HSPG2: variants seen among roughly 807,000 people sequenced by gnomAD.
HSPG2 encodes the protein basement membrane-specific heparan sulfate proteoglycan core protein.
HSPG2 carries 278 observed loss-of-function variants against 526.6 expected under a neutral mutation model. The observed-to-expected ratio is 0.53, with a 90% CI of 0.48 to 0.58. HSPG2 has a LOEUF of 0.58. HSPG2 is among the 20% of genes least tolerant of loss of function. HSPG2 has a pLI of 0.00. For synonymous variants in HSPG2, 2,465 were observed against 2,555.4 expected (o/e 0.96, Z 1.07); for missense variants, 5,354 against 6,099.5 (o/e 0.88, Z 4.07).
chr1:21,848,501 T>C lies in HSPG2; in HGVS notation c.7737+142A>G, dbSNP rs1006084816. The C allele has an allele frequency of 1.0e-6, 1 of 972,358 alleles. No homozygotes were observed. The highest frequency in any genetic ancestry group is 1.6e-6 in the Non-Finnish European group (1 of 614,086). The allele number at this position is 972,358 out of a possible 1,614,324, so 60.2% of individuals were successfully genotyped here. A position where few individuals can be genotyped will look rare whatever the true frequency, so the allele number is the denominator to read the frequency against. ...AGCCTTATTTCTGTATTCTCAGCAC[T>C]GGTCTAGGACCCATCCAGCAAGGAT... On this transcript the variant is annotated intron_variant, in intron 59 of 96. Transcript: ENST00000374695. The surrounding 1 kb of genome is among the most constrained non-coding windows in gnomAD (Gnocchi z 4.9).
intron 85 of HSPG2, chr1:21,830,614 C>T (rs1293411630): frequency 1.8e-5 from 5 of 281,754 alleles, no homozygotes; most frequent in African/African-American, 2.5e-5. Flanking sequence ...CGCTTGAACC[C>T]GGGAGGTGGA....
chr1:21,923,151 A>G (rs1200163063), intron 1 of HSPG2, among the ~76,000 whole-genome samples: 1 of 152,204 alleles, frequency 6.6e-6, no homozygotes, highest in African/African-American at 2.4e-5. Flanking sequence ...TCACACCTGT[A>G]ATCCCAGCAC....
chr1:21,903,935 G>A (rs545592730), intron 1 of HSPG2, among the ~76,000 whole-genome samples: 22 of 152,352 alleles, frequency 1.4e-4, no homozygotes, highest in African/African-American at 5.3e-4. Flanking sequence ...GGCCACCCTG[G>A]CCATATTCTA....
intron 74 of HSPG2, among the ~76,000 whole-genome samples, chr1:21,838,211 C>T (rs987376020): frequency 2.0e-5 from 3 of 151,992 alleles, no homozygotes; most frequent in African/African-American, 7.3e-5. Flanking sequence ...GTTGCACAGC[C>T]AGCAAATGGC....
In HSPG2 at chr1:21,858,671, C is replaced by T. The variant is rs1320390726; in HGVS notation, c.5293+895G>A. On this transcript the variant is annotated intron_variant, in intron 42 of 96. Coordinates refer to ENST00000374695, the MANE Select transcript of HSPG2 (RefSeq NM_005529.7). This position sits in a 1 kb window ranked among gnomAD's most constrained non-coding sequence, Gnocchi z 4.2. ...TGCTGCTGGTGGCCTAGCCACGCTT[C>T]CCACCCCCCGTGCCCACCTGCCTGA... Among the ~76,000 whole-genome samples the T allele has an allele frequency of 6.6e-6, 1 of 152,234 alleles. No individual in the cohort carries two copies. Among genetic ancestry groups the T allele is most frequent in the African/African-American group, 2.4e-5 (1 of 41,456 alleles).
At chr1:21,937,116 TCCGCCCCCGCCCC>T in intron 1 of HSPG2, 26 bp downstream of exon 1, 1 of 36,162 alleles carries the variant, frequency 2.8e-5, no homozygotes, top group Non-Finnish European at 5.2e-5. Flanking sequence ...CCCTAGCCCC[TCCGCCCCCGCCCC>T]CCGCCCCTCT....
At position 21,875,932 on chromosome 1, in the gene HSPG2, G is replaced by A; in HGVS notation, c.3114C>T (p.Ile1038=). 1 of 1,614,220 alleles carries A rather than the reference G, an allele frequency of 6.2e-7. No individual in the cohort carries two copies. The highest frequency in any genetic ancestry group is 1.1e-5 in the South Asian group (1 of 91,086). ...GCTCCTGGGCCACATGGTGCTCTAG[G>A]ATGATGTTGTTACCTTGCAGCACCA... is the stretch of plus-strand genomic sequence containing the variant. ...PLVVLQGNNI[I]LEHHVAQEPS... is the part of the protein sequence containing the mutation. Residue 1038 remains isoleucine, a synonymous_variant, in exon 24 of 97, where the codon ATC becomes ATT. Coordinates refer to ENST00000374695, the MANE Select transcript of HSPG2 (RefSeq NM_005529.7).
At position 21,876,493 on chromosome 1, in the gene HSPG2, GC is replaced by G. The variant is rs944146139; in HGVS notation, c.2826+18del. On this transcript the variant is annotated intron_variant, in intron 22 of 96. Transcript: ENST00000374695. ...GGCCCAGGGCTTGGCGGTCCTGCCC[GC>G]CCACCTTGCAGAGGTACCTGGGCAC... 2 of 1,613,640 alleles carry G rather than the reference GC, an allele frequency of 1.2e-6. No homozygotes were observed. Among genetic ancestry groups the G allele is most frequent in the African/African-American group, 2.7e-5 (2 of 74,934 alleles).
intron 1 of HSPG2, 23 bp downstream of exon 1, chr1:21,937,132 G>T (rs1405036096): frequency 6.6e-5 from 3 of 45,194 alleles, no homozygotes; most frequent in East Asian, 5.2e-4. Context: ...CCCGCCCCCC[G>T]CCCCTCTGCC....
Position 21,829,037 on chromosome 1 carries a change from C to T in HSPG2, c.12035G>A (p.Arg4012His), listed in dbSNP as rs747256380. Residue 4012 changes from arginine (R) to histidine (H), a missense_variant, in exon 88 of 97, where the codon CGC (arginine) becomes CAC (histidine). Physicochemically the swap from Arg to His is conservative, Grantham distance 29 (BLOSUM62 0). Coordinates refer to ENST00000374695, the MANE Select transcript of HSPG2 (RefSeq NM_005529.7). ...LRSAEPLALGRWHRVSAERLN... is the reference protein window; with the variant it reads ...LRSAEPLALGHWHRVSAERLN... Reference sequence around the variant, plus strand: ...ACGCTCTGCAGACACACGGTGCCAGCGGCCCAGGGCCAGCGGCTCGGCGCT... The same window carrying T: ...ACGCTCTGCAGACACACGGTGCCAGTGGCCCAGGGCCAGCGGCTCGGCGCT... 9.7e-6 allele frequency: 15 copies of T among 1,549,284 alleles called. No homozygotes were observed. The highest frequency in any genetic ancestry group is 1.8e-4 in the Middle Eastern group (1 of 5,646).
chr1:21,862,096 GC>G lies in HSPG2; in HGVS notation c.4759del (p.Ala1587GlnfsTer31). 1.2e-6 allele frequency: 2 copies of G among 1,613,406 alleles called. No individual in the cohort carries two copies. The highest frequency in any genetic ancestry group is 8.5e-7 in the Non-Finnish European group (1 of 1,180,032). Reference sequence around the variant, plus strand: ...GGCACAAAGCTCGCAGAACTCCCCTGCGGCGTTGTGCTGGCATTGCTGCAGG... The same window carrying G: ...GGCACAAAGCTCGCAGAACTCCCCTGGGCGTTGTGCTGGCATTGCTGCAGG... Reference protein sequence around the residue: ...GACSQCQHNAAGEFCELCAPG... With the variant: ...GACSQCQHNAXGEFCELCAPG... On this transcript the variant is annotated frameshift_variant, in exon 38 of 97. Coordinates refer to ENST00000374695, the MANE Select transcript of HSPG2 (RefSeq NM_005529.7). LOFTEE classifies it high-confidence loss of function.
At chr1:21,854,515 G>A in intron 49 of HSPG2, 96 bp downstream of exon 49, 1 of 1,463,616 alleles carries the variant, frequency 6.8e-7, no homozygotes, top group Non-Finnish European at 9.2e-7. Context: ...GAACGTGTGG[G>A]GCAGTGTGCC....
At chr1:21,835,722 G>A (rs997944893) in intron 75 of HSPG2, 85 bp from the exon 76 acceptor site, 38 of 1,002,872 alleles carry the variant, frequency 3.8e-5, no homozygotes, top group Non-Finnish European at 4.4e-5. Flanking sequence ...GGTGGCTCAC[G>A]CCTGTAATCC....
At chr1:21,825,887 G>A (rs1323285937) in intron 91 of HSPG2, among the ~76,000 whole-genome samples, 2 of 152,126 alleles carry the variant, frequency 1.3e-5, no homozygotes, top group Admixed American at 1.3e-4. Flanking sequence ...CCAGGTTCAA[G>A]CAATTCTCCT....
chr1:21,842,926 G>C lies in HSPG2; in HGVS notation c.8759-5C>G, dbSNP rs1299946927. ...TGGGCTGGGCCAGTCCTGGAGCTGT[G>C]GGCACAGGGGGTGGGTGAGAGAGGC... On this transcript the variant is annotated splice_region_variant and splice_polypyrimidine_tract_variant and intron_variant, in intron 66 of 96. Transcript: ENST00000374695. 1.2e-6 allele frequency: 2 copies of C among 1,614,100 alleles called. No homozygotes were observed. The highest frequency in any genetic ancestry group is 1.7e-6 in the Non-Finnish European group (2 of 1,180,020).
chr1:21,827,687 G>A (rs144869871), intron 91 of HSPG2, among the ~76,000 whole-genome samples, 176 bp downstream of exon 91: 73 of 152,324 alleles, frequency 4.8e-4, no homozygotes, highest in African/African-American at 1.6e-3. Flanking sequence ...AGGTCACCCA[G>A]CCAGTAAGTG....
Position 21,839,371 on chromosome 1 carries a change from T to G in HSPG2, c.9889A>C (p.Ser3297Arg). 2.5e-6 allele frequency: 4 copies of G among 1,611,936 alleles called. No homozygotes were observed. The highest frequency in any genetic ancestry group is 3.4e-6 in the Non-Finnish European group (4 of 1,179,970). ...AEATIILHVESPPYATTVPEH... is the reference protein window; with the variant it reads ...AEATIILHVERPPYATTVPEH... ...AGACAAAGAAGGGATGAGGCCTTACTCTCCACGTGCAGGATGATGGTGGCC... is the reference window on the plus strand; with the variant it reads ...AGACAAAGAAGGGATGAGGCCTTACGCTCCACGTGCAGGATGATGGTGGCC... The change falls in exon 73 of 97, where the codon AGC (serine) becomes CGC (arginine). Residue 3297 changes from serine (S) to arginine (R), a missense_variant and splice_region_variant. Ser to Arg is a moderately radical substitution (Grantham distance 110). Transcript: ENST00000374695. This position sits in a 1 kb window ranked among gnomAD's most constrained non-coding sequence, Gnocchi z 4.5.
chr1:21,854,453 T>C, intron 49 of HSPG2, 110 bp from the exon 50 acceptor site: 1 of 1,471,038 alleles, frequency 6.8e-7, no homozygotes, highest in Middle Eastern at 2.4e-4. Context: ...CTCCGAGCCA[T>C]CCCATGCTAG....
chr1:21,906,144 G>A (rs1323675915), intron 1 of HSPG2, among the ~76,000 whole-genome samples: 3 of 152,224 alleles, frequency 2.0e-5, no homozygotes, highest in African/African-American at 7.2e-5. Context: ...TCCACACCTG[G>A]AAGGAACTCC....
Sources: gnomAD v4.1 joint callset for allele counts (sites outside exome capture counted in the v4.1 genomes callset) on GRCh38, gnomAD v4.1.1 for gene constraint, Gnocchi (gnomAD v3.1) non-coding constraint, MANE v1.5 for transcripts, NCBI Gene and HGNC (gene_info 2026-07-23, HGNC 2026-07-21) for gene names.